The following FHIT variants were observed in gnomAD, a reference collection of about 807,000 sequenced individuals.
FHIT encodes fragile histidine triad diadenosine triphosphatase.
A neutral mutation model predicts 17.9 loss-of-function variants in FHIT; 19 were observed. The observed-to-expected ratio is 1.06, with a 90% CI of 0.74 to 1.56. The LOEUF (loss-of-function observed/expected upper bound fraction) is 1.56, where lower values mean the gene tolerates loss of function less well. Ranked by LOEUF, FHIT falls within the 40% of genes most tolerant of loss-of-function variation. The probability of loss-of-function intolerance (pLI) is 0.00; values close to 1 mark genes in which losing one functional copy is unlikely to be tolerated. For synonymous variants in FHIT, 81 were observed against 69.7 expected (o/e 1.16, Z -0.81); for missense variants, 248 against 189.2 (o/e 1.31, Z -1.82).
At chr3:60,079,387 T>C (rs59694810) in intron 5 of FHIT, among the ~76,000 whole-genome samples, 3,683 of 152,152 alleles carry the variant, frequency 0.024, 129 homozygotes, top group African/African-American at 0.084. Context: ...ATGAAAGCAA[T>C]CGTGGGTGGG....
intron 7 of FHIT, among the ~76,000 whole-genome samples, chr3:59,946,364 T>C (rs961416648): frequency 6.6e-5 from 10 of 152,352 alleles, no homozygotes; most frequent in African/African-American, 1.9e-4. Context: ...ATTTTTTACA[T>C]TGATTTTGTA....
chr3:59,913,643 G>A (rs1704990915), intron 8 of FHIT, among the ~76,000 whole-genome samples: 1 of 151,974 alleles, frequency 6.6e-6, no homozygotes, highest in African/African-American at 2.4e-5. Context: ...AATAATAATT[G>A]TATTATATTA....
chr3:61,228,847 G>GGGTCA (rs2040030998), intron 1 of FHIT, among the ~76,000 whole-genome samples: 1 of 152,132 alleles, frequency 6.6e-6, no homozygotes, highest in African/African-American at 2.4e-5. Context: ...TACATTCGAT[G>GGGTCA]GGTCATTCAT....
At position 60,453,496 on chromosome 3, in the gene FHIT, G is replaced by C. The variant is rs2031884275; in HGVS notation, c.103+83364C>G. 3.3e-5 allele frequency among the ~76,000 whole-genome samples: 5 copies of C among 152,186 alleles called. No individual in the cohort carries two copies. The South Asian group carries it at 1.0e-3, about 32-fold the overall frequency. ...GATGCAACATAGATAGATGTGGGAAGTCAAGGGAGATGACTGACAAACGAG... is the reference window on the plus strand; with the variant it reads ...GATGCAACATAGATAGATGTGGGAACTCAAGGGAGATGACTGACAAACGAG... On this transcript the variant is annotated intron_variant, in intron 5 of 9. Transcript: ENST00000492590.
At chr3:61,089,550 C>T (rs1575992092) in intron 2 of FHIT, among the ~76,000 whole-genome samples, 1 of 151,968 alleles carries the variant, frequency 6.6e-6, no homozygotes, top group Admixed American at 6.6e-5. Flanking sequence ...CATGTTGTAG[C>T]ATGTATACTT....
At chr3:60,049,269 T>C (rs1701777040) in intron 5 of FHIT, among the ~76,000 whole-genome samples, 1 of 152,236 alleles carries the variant, frequency 6.6e-6, no homozygotes, top group African/African-American at 2.4e-5. Flanking sequence ...AATATGTATG[T>C]GTACCTCTGG....
intron 5 of FHIT, among the ~76,000 whole-genome samples, chr3:60,327,008 T>C (rs1709724594): frequency 6.6e-6 from 1 of 152,168 alleles, no homozygotes; most frequent in Non-Finnish European, 1.5e-5. Flanking sequence ...AGGAAGTGAA[T>C]GCCAGGAAAA....
intron 5 of FHIT, among the ~76,000 whole-genome samples, chr3:60,365,435 G>A (rs6791718): frequency 6.6e-6 from 1 of 151,806 alleles, no homozygotes; most frequent in Non-Finnish European, 1.5e-5. Flanking sequence ...CACAATTCAC[G>A]TTTTAAAATA....
chr3:60,305,046 C>T lies in FHIT; in HGVS notation c.103+231814G>A, dbSNP rs1391521457. On this transcript the variant is annotated intron_variant, in intron 5 of 9. Coordinates refer to ENST00000492590, the MANE Select transcript of FHIT (RefSeq NM_002012.4). ...ATTTTATATCTAAATTGGTGAAAAT[C>T]CTACCACTCGTGTCTGTAAGCCATT... 3.3e-5 allele frequency among the ~76,000 whole-genome samples: 5 copies of T among 152,092 alleles called. No individual in the cohort carries two copies. In the East Asian group the frequency reaches 7.7e-4, roughly 23 times the overall value.
intron 5 of FHIT, among the ~76,000 whole-genome samples, chr3:60,046,860 T>C (rs1179367304): frequency 6.6e-6 from 1 of 152,232 alleles, no homozygotes; most frequent in Non-Finnish European, 1.5e-5. Context: ...CTGACTTGTT[T>C]ATCTGACATA....
chr3:60,687,289 T>C (rs2040880963), intron 4 of FHIT, among the ~76,000 whole-genome samples: 2 of 152,190 alleles, frequency 1.3e-5, no homozygotes, highest in South Asian at 4.1e-4. Context: ...CCTTTAATAA[T>C]GAAAGTTCTC....
intron 5 of FHIT, among the ~76,000 whole-genome samples, chr3:60,285,748 G>A (rs1280267398): frequency 6.6e-6 from 1 of 152,162 alleles, no homozygotes; most frequent in East Asian, 1.9e-4. Flanking sequence ...CTGTCAGCTA[G>A]AACTCTATTT....
intron 7 of FHIT, among the ~76,000 whole-genome samples, chr3:59,991,983 AC>A (rs1699292562): frequency 6.6e-6 from 1 of 152,090 alleles, no homozygotes; most frequent in African/African-American, 2.4e-5. Flanking sequence ...GTTTTCTGAC[AC>A]TTGCAACTGA....
rs376084341 is a variant in FHIT, at chr3:61,152,228, T to C, written c.-164+48389A>G. Among the ~76,000 whole-genome samples, 67 of 151,954 alleles carry C rather than the reference T, an allele frequency of 4.4e-4. 2 individuals carry two copies. The highest frequency in any genetic ancestry group is 1.7e-3 in the East Asian group (9 of 5,146). ...GTGAAGGGAAAGTAGATCAGGGAGA[T>C]AGAAAAAGAGGCCAAACCCTTGAAG... On this transcript the variant is annotated intron_variant, in intron 2 of 9. Transcript: ENST00000492590.
At chr3:61,223,871 A>ATATGATACAGATATGATACAG (rs373342822) in intron 1 of FHIT, among the ~76,000 whole-genome samples, 19,207 of 152,204 alleles carry the variant, frequency 0.13, 1,277 homozygotes, top group South Asian at 0.21. Context: ...AAGCCAACAG[A>ATATGATACAGATATGATACAG]ATATGATACA....
At chr3:61,204,436 C>T (rs551206733) in intron 1 of FHIT, among the ~76,000 whole-genome samples, 1 of 151,800 alleles carries the variant, frequency 6.6e-6, no homozygotes, top group African/African-American at 2.4e-5. Context: ...AGAGTAACCA[C>T]CAAAAGAACA....
chr3:60,365,478 A>C (rs1057467976), intron 5 of FHIT, among the ~76,000 whole-genome samples: 1 of 152,196 alleles, frequency 6.6e-6, no homozygotes, highest in African/African-American at 2.4e-5. Flanking sequence ...ACATTAAAAT[A>C]GTAACTGAGT....
intron 5 of FHIT, among the ~76,000 whole-genome samples, chr3:60,268,461 C>T (rs923834673): frequency 1.3e-5 from 2 of 152,104 alleles, no homozygotes; most frequent in Admixed American, 6.5e-5. Flanking sequence ...CTAGTTGCAA[C>T]CCTAAAATTG....
At chr3:60,562,051 A>G (rs552031855) in intron 4 of FHIT, among the ~76,000 whole-genome samples, 56 of 152,242 alleles carry the variant, frequency 3.7e-4, no homozygotes, top group African/African-American at 5.8e-4. Context: ...TGCTTTCCCT[A>G]TGTTTGAGTT....
Sources: allele counts gnomAD v4.1 joint callset (sites outside exome capture counted in the v4.1 genomes callset), GRCh38; gene constraint gnomAD v4.1.1; transcripts MANE v1.5; gene names NCBI Gene and HGNC (gene_info 2026-07-23, HGNC 2026-07-21).